RYR2: variants seen among roughly 807,000 people sequenced by gnomAD.
RYR2 encodes the protein ryanodine receptor 2.
RYR2 carries 227 observed loss-of-function variants against 601.1 expected under a neutral mutation model. That is an observed-to-expected ratio of 0.38 (90% confidence interval 0.34 to 0.42). RYR2 has a LOEUF of 0.42. Among genes scored for constraint, RYR2 ranks in the 10% least tolerant of loss-of-function variants. The pLI, the probability that RYR2 is intolerant of heterozygous loss-of-function variation, is 1.00. For synonymous variants in RYR2, 2,223 were observed against 2,175.1 expected, an observed-to-expected ratio of 1.02 and a Z score of -0.61; for missense variants, 4,646 against 6,156.5, an observed-to-expected ratio of 0.75 and a Z score of 8.21.
chr1:237,042,545 A>G lies in RYR2; in HGVS notation c.24A>G (p.Glu8=). The part of the protein sequence containing the change: MADGGEG[E]DEIQFLRTDD... ...CCATGGCCGATGGGGGCGAGGGCGAAGACGAGATCCAGTTCCTGCGAACTG... is the reference window on the plus strand; with the variant it reads ...CCATGGCCGATGGGGGCGAGGGCGAGGACGAGATCCAGTTCCTGCGAACTG... The change falls in exon 1 of 105, where the codon GAA becomes GAG. Residue 8 remains glutamate (E), a synonymous_variant. Coordinates refer to ENST00000366574, the MANE Select transcript of RYR2 (RefSeq NM_001035.3). The G allele has an allele frequency of 7.9e-7, 1 of 1,260,206 alleles. No homozygotes were observed. The highest frequency in any genetic ancestry group is 4.0e-5 in the South Asian group (1 of 25,170). The allele number at this position is 1,260,206 out of a possible 1,614,324, so 78.1% of individuals were successfully genotyped here. A position where few individuals can be genotyped will look rare whatever the true frequency, so the allele number is the denominator to read the frequency against.
At chr1:237,650,870 A>G (rs1682660071) in intron 50 of RYR2, among the ~76,000 whole-genome samples, 1 of 152,240 alleles carries the variant, frequency 6.6e-6, no homozygotes, top group Non-Finnish European at 1.5e-5. Flanking sequence ...ATTCTGTAAA[A>G]TTGAACCAAA....
chr1:237,565,292 A>C (rs1671948969), intron 27 of RYR2, among the ~76,000 whole-genome samples: 1 of 93,838 alleles, frequency 1.1e-5, no homozygotes, highest in Non-Finnish European at 2.6e-5. Flanking sequence ...TTGAGACAGG[A>C]TCTCACTCTA....
intron 84 of RYR2, among the ~76,000 whole-genome samples, chr1:237,767,282 G>C (rs1693917935): frequency 6.6e-6 from 1 of 152,084 alleles, no homozygotes; most frequent in East Asian, 1.9e-4. Context: ...GATTTTATTA[G>C]TTACTGATGG....
chr1:237,521,651 C>T (rs182816758), intron 24 of RYR2, among the ~76,000 whole-genome samples: 374 of 151,810 alleles, frequency 2.5e-3, no homozygotes, highest in Middle Eastern at 0.01. Context: ...ACCCAGGAGG[C>T]AGAGGTTGCA....
Position 237,627,832 on chromosome 1 carries a change from G to T in RYR2, c.6192G>T (p.Glu2064Asp), listed in dbSNP as rs1679843736. Reference protein sequence around the residue: ...KSSTLQQLISETMVRWAQESV... With the variant: ...KSSTLQQLISDTMVRWAQESV... The stretch of plus-strand genomic sequence containing the variant: ...CCACTCTGCAGCAGCTGATTTCTGA[G>T]ACCATGGTCCGATGGGCTCAGGAGT... The change falls in exon 41 of 105, where the codon GAG (glutamate) becomes GAT (aspartate). Residue 2064 changes from glutamate (E) to aspartate (D), a missense_variant. Glu to Asp is a conservative substitution (Grantham distance 45, BLOSUM62 2). Around this residue, in one of 17 missense-constraint regions of RYR2, gnomAD observed 170 missense variants for 184.5 expected, o/e 0.92. Transcript: ENST00000366574. 6.2e-7 allele frequency: 1 copy of T among 1,607,716 alleles called. No individual in the cohort carries two copies. The highest frequency in any genetic ancestry group is 8.5e-7 in the Non-Finnish European group (1 of 1,175,192).
chr1:237,593,118 A>G (rs1184230422), intron 32 of RYR2, among the ~76,000 whole-genome samples: 1 of 152,182 alleles, frequency 6.6e-6, no homozygotes, highest in Non-Finnish European at 1.5e-5. Context: ...GTTTTATTAC[A>G]TACATACACT....
chr1:237,791,951 A>G (rs535324307), intron 93 of RYR2, 154 bp from the exon 94 acceptor site: 1 of 627,136 alleles, frequency 1.6e-6, no homozygotes, highest in African/African-American at 1.8e-5. Flanking sequence ...GGTTTTTGAA[A>G]AGCTATCGTT....
At position 237,566,773 on chromosome 1, in the gene RYR2, A is replaced by C. The variant is rs1237155843; in HGVS notation, c.3421A>C (p.Lys1141Gln). 6.2e-7 allele frequency: 1 copy of C among 1,613,780 alleles called. No homozygotes were observed. The highest frequency in any genetic ancestry group is 1.3e-5 in the African/African-American group (1 of 74,910). The stretch of plus-strand genomic sequence containing the variant: ...ACGTGCCTTTGCCTTTGATGGCTTC[A>C]AGGTGAGTGGACTTTGTCCTGTGCC... ...DERAFAFDGF[K>Q]AQRWHQGNEH... Residue 1141 changes from lysine to glutamine, a missense_variant and splice_region_variant, in exon 28 of 105, where the codon AAG becomes CAG. By Grantham distance (53) the Lys-to-Gln change is moderately conservative. This residue lies in a region of RYR2 where 1,807 missense variants were observed against 2,088.1 expected (regional missense o/e 0.87). Transcript: ENST00000366574.
At position 237,736,012 on chromosome 1, in the gene RYR2, T is replaced by C. The variant is rs550062033; in HGVS notation, c.11091+2256T>C. ...AAAAATATATGCCATGAAAGAAAAG[T>C]TTCACAAAATTTTACTCTTCCTATG... is the stretch of plus-strand genomic sequence containing the variant. On this transcript the variant is annotated intron_variant, in intron 79 of 104. Coordinates refer to ENST00000366574, the MANE Select transcript of RYR2 (RefSeq NM_001035.3). Among the ~76,000 whole-genome samples, 33 of 152,254 alleles carry C rather than the reference T, an allele frequency of 2.2e-4. No individual in the cohort carries two copies. In the South Asian group the frequency reaches 5.4e-3, roughly 25 times the overall value.
At chr1:237,573,245 C>T (rs925281817) in intron 29 of RYR2, among the ~76,000 whole-genome samples, 1 of 151,588 alleles carries the variant, frequency 6.6e-6, no homozygotes, top group Non-Finnish European at 1.5e-5. Context: ...CACACACACA[C>T]ACACACACAC....
rs149080479 is a variant in RYR2 at position 237,455,050 on chromosome 1, A to T, written c.1476+476A>T. Among the ~76,000 whole-genome samples the T allele has an allele frequency of 1.0e-3, 153 of 152,088 alleles. 2 individuals are homozygous for T. Among genetic ancestry groups the T allele is most frequent in the African/African-American group, 3.6e-3 (148 of 41,514 alleles). On this transcript the variant is annotated intron_variant, in intron 15 of 104. Coordinates refer to ENST00000366574, the MANE Select transcript of RYR2 (RefSeq NM_001035.3). ...TACCGGAGTAGGCTGAGCTCCAGGA[A>T]CCCTACTTGGACAGAGCAACCCTAC... is the stretch of plus-strand genomic sequence containing the variant.
At chr1:237,572,550 A>T in intron 29 of RYR2, among the ~76,000 whole-genome samples, 1 of 152,046 alleles carries the variant, frequency 6.6e-6, no homozygotes, top group Non-Finnish European at 1.5e-5. Context: ...TATTTCATAG[A>T]ATTTTTAAAA....
At chr1:237,133,506 G>A (rs1455764086) in intron 1 of RYR2, among the ~76,000 whole-genome samples, 1 of 152,196 alleles carries the variant, frequency 6.6e-6, no homozygotes, top group African/African-American at 2.4e-5. Flanking sequence ...GAGAGGTCTA[G>A]TAGTCCCACT....
intron 52 of RYR2, 130 bp downstream of exon 52, chr1:237,654,544 T>G: frequency 1.2e-6 from 1 of 832,326 alleles, no homozygotes; most frequent in South Asian, 2.2e-5. Flanking sequence ...ATTTTTTCTC[T>G]TTTCTCAACT....
In RYR2 at chr1:237,759,924, T is replaced by A; in HGVS notation, c.11402+72T>A. The A allele has an allele frequency of 3.4e-6, 3 of 883,572 alleles. No individual in the cohort carries two copies. The South Asian group carries it at 4.4e-5, about 13-fold the overall frequency. The allele number at this position is 883,572 out of a possible 1,614,324, so 54.7% of individuals were successfully genotyped here. Reference sequence around the variant, plus strand: ...TTTTCGAAGCATTTGTTTCTTACTCTGACGATAATTGCACATAGAAGAATA... The same window carrying A: ...TTTTCGAAGCATTTGTTTCTTACTCAGACGATAATTGCACATAGAAGAATA... On this transcript the variant is annotated intron_variant, in intron 83 of 104. Transcript: ENST00000366574.
At chr1:237,173,482 G>A (rs1677651639) in intron 1 of RYR2, among the ~76,000 whole-genome samples, 1 of 152,308 alleles carries the variant, frequency 6.6e-6, no homozygotes, top group Admixed American at 6.5e-5. Context: ...AAGGGCACCT[G>A]CACAAGGTCA....
At chr1:237,126,141 G>A (rs1209974165) in intron 1 of RYR2, among the ~76,000 whole-genome samples, 2 of 151,948 alleles carry the variant, frequency 1.3e-5, no homozygotes, top group Non-Finnish European at 2.9e-5. Flanking sequence ...GGAGGCTGAC[G>A]CAGGAGAATC....
chr1:237,602,335 G>A (rs918815521), intron 35 of RYR2, among the ~76,000 whole-genome samples: 1 of 151,312 alleles, frequency 6.6e-6, no homozygotes, highest in Non-Finnish European at 1.5e-5. Flanking sequence ...TTCAATAAAA[G>A]GCCTATAGAA....
intron 17 of RYR2, among the ~76,000 whole-genome samples, chr1:237,477,934 G>T (rs1263033059): frequency 6.6e-6 from 1 of 152,190 alleles, no homozygotes. Flanking sequence ...TCCCCTCAGG[G>T]TCAGTGTGAT....
Sources: allele counts gnomAD v4.1 joint callset (sites outside exome capture counted in the v4.1 genomes callset), GRCh38; gene constraint gnomAD v4.1.1; regional missense constraint gnomAD v4.1.1; transcripts MANE v1.5; gene names NCBI Gene and HGNC (gene_info 2026-07-23, HGNC 2026-07-21).